Variants in TBC1D17 observed in about 807,000 individuals in gnomAD.
The protein encoded by TBC1D17 is TBC1 domain family member 17.
TBC1D17 carries 69 observed loss-of-function variants against 78.8 expected under a neutral mutation model. The ratio of observed to expected loss-of-function variants is 0.88; its 90% CI spans 0.72 to 1.07. The LOEUF (loss-of-function observed/expected upper bound fraction) is 1.07. TBC1D17 is among the 50% of genes least tolerant of loss of function. The pLI is 0.00. For missense variants in TBC1D17, 957 were observed against 861.0 expected (o/e 1.11, Z -1.39); for synonymous variants, 456 against 358.3 (o/e 1.27, Z -3.08).
chr19:49,882,085 C>A lies in TBC1D17; in HGVS notation c.572C>A (p.Ser191Tyr), dbSNP rs764531503. Residue 191 changes from serine (S) to tyrosine (Y), a missense_variant, in exon 6 of 17, where the codon TCC becomes TAC. Coordinates refer to ENST00000221543, the MANE Select transcript of TBC1D17 (RefSeq NM_024682.3). The stretch of plus-strand genomic sequence containing the variant: ...CTCTACCTTGTCTTCCCCCACGACT[C>A]CTCTGCTCTCTCCAACTCCTTCCAC... ...SRLYLVFPHD[S>Y]SALSNSFHHL... 5.6e-6 allele frequency: 9 copies of A among 1,614,164 alleles called. No individual in the cohort carries two copies. Among genetic ancestry groups the A allele is most frequent in the Admixed American group, 1.7e-5 (1 of 60,034 alleles).
rs776396019 is a variant in TBC1D17, at chr19:49,882,795, G to A, written c.830G>A (p.Arg277Gln). The A allele has an allele frequency of 2.7e-5, 44 of 1,601,908 alleles. No individual in the cohort carries two copies. Among genetic ancestry groups the A allele is most frequent in the Admixed American group, 8.6e-5 (5 of 58,024 alleles). ...CTGGGGCCTCGGCCAACCGTGGAGC[G>A]GGGCCCTCCAGTTACAGAGGAGGAG... ...VELGPRPTVE[R>Q]GPPVTEEEWA... The change falls in exon 8 of 17, where the codon CGG becomes CAG. Residue 277 changes from arginine (R) to glutamine (Q), a missense_variant. Physicochemically the swap from Arg to Gln is conservative, Grantham distance 43. Coordinates refer to ENST00000221543, the MANE Select transcript of TBC1D17 (RefSeq NM_024682.3).
At chr19:49,887,652 C>T in intron 14 of TBC1D17, 66 bp from the exon 15 acceptor site, 1 of 1,607,902 alleles carries the variant, frequency 6.2e-7, no homozygotes, top group Non-Finnish European at 8.5e-7. Flanking sequence ...AGGGACAGAC[C>T]CTGGTGGGAC....
intron 7 of TBC1D17, 136 bp from the exon 8 acceptor site, chr19:49,882,628 C>CGGAAGA: frequency 1.4e-6 from 2 of 1,405,292 alleles, no homozygotes; most frequent in Non-Finnish European, 1.9e-6. Context: ...TGCTGAGCCC[C>CGGAAGA]GGAAGAGGCT....
chr19:49,888,681 C>A lies in TBC1D17; in HGVS notation c.*57C>A. On this transcript the variant is annotated 3_prime_UTR_variant, in exon 17 of 17. Transcript: ENST00000221543. ...CTTTAGCCCGAGCCAGGCACACCTG[C>A]GAGGGGGCAGGTGTGCTCCGCCGCC... is the stretch of plus-strand genomic sequence containing the variant. 6.9e-7 allele frequency: 1 copy of A among 1,449,308 alleles called. No homozygotes were observed. The highest frequency in any genetic ancestry group is 9.2e-7 in the Non-Finnish European group (1 of 1,086,930). The allele number at this position is 1,449,308 out of a possible 1,614,324, so 89.8% of individuals were successfully genotyped here. A position where few individuals can be genotyped will look rare whatever the true frequency, so the allele number is the denominator to read the frequency against.
chr19:49,888,581 T>C lies in TBC1D17; in HGVS notation c.1904T>C (p.Leu635Pro). 1 of 1,397,790 alleles carries C rather than the reference T, an allele frequency of 7.2e-7. No homozygotes were observed. Among genetic ancestry groups the C allele is most frequent in the Middle Eastern group, 1.9e-4 (1 of 5,156 alleles). 86.6% of individuals were successfully genotyped at this position (1,397,790 alleles called of 1,614,324 possible). A position where few individuals can be genotyped will look rare whatever the true frequency, so the allele number is the denominator to read the frequency against. ...TDTAPQPDSSLEILPEEEDEG... is the reference protein window; with the variant it reads ...TDTAPQPDSSPEILPEEEDEG... ...ACAGCCCCGCAGCCCGACAGCAGCC[T>C]GGAGATCCTGCCCGAGGAGGAGGAC... The change falls in exon 17 of 17, where the codon CTG becomes CCG. Residue 635 changes from leucine (L) to proline (P), a missense_variant. Transcript: ENST00000221543.
Position 49,883,131 on chromosome 19 carries a change from G to A in TBC1D17, c.1031+55G>A, listed in dbSNP as rs1437112676. On this transcript the variant is annotated intron_variant, in intron 9 of 16. Transcript: ENST00000221543. ...GGCATGACACCTGGTACCTCCTAGG[G>A]CACCAATGGGCAAGTTCTGTGGACG... The A allele has an allele frequency of 3.3e-6, 5 of 1,494,770 alleles. No homozygotes were observed. In the East Asian group the frequency reaches 1.1e-4, roughly 34 times the overall value. 92.6% of individuals were successfully genotyped at this position (1,494,770 alleles called of 1,614,324 possible). A position where few individuals can be genotyped will look rare whatever the true frequency, so the allele number is the denominator to read the frequency against.
intron 13 of TBC1D17, 31 bp downstream of exon 13, chr19:49,884,789 A>G: frequency 6.3e-7 from 1 of 1,597,878 alleles, no homozygotes; most frequent in South Asian, 1.1e-5. Flanking sequence ...GGCAGGAGAC[A>G]ATGGGGCCAT....
intron 7 of TBC1D17, 109 bp from the exon 8 acceptor site, chr19:49,882,655 T>A (rs112778500): frequency 1.4e-6 from 2 of 1,427,544 alleles, no homozygotes; most frequent in African/African-American, 2.9e-5. Context: ...TGCCCCTGAA[T>A]GTTAGTCATC....
intron 12 of TBC1D17, 49 bp from the exon 13 acceptor site, chr19:49,884,610 C>T (rs755146437): frequency 1.2e-6 from 2 of 1,613,586 alleles, no homozygotes; most frequent in South Asian, 1.1e-5. Flanking sequence ...GATCAGGTGT[C>T]CTGGTACCTC....
Position 49,878,211 on chromosome 19 carries a change from C to T in TBC1D17, c.90C>T (p.Leu30=). 6.4e-7 allele frequency: 1 copy of T among 1,564,016 alleles called. No homozygotes were observed. Among genetic ancestry groups the T allele is most frequent in the Non-Finnish European group, 8.7e-7 (1 of 1,154,252 alleles). The change falls in exon 2 of 17, where the codon CTC becomes CTT. Residue 30 remains leucine (L), a synonymous_variant. Transcript: ENST00000221543. ...AGAAGTATCAGGACCGAGACTCTCT[C>T]ATCGCTGGTGTCATCCGTGTCGTGG... ...SAKKYQDRDS[L]IAGVIRVVEK... is the part of the protein sequence containing the mutation.
In TBC1D17 at chr19:49,882,763, GGTGGAGCTGGGGCCTCGGCCAACC is replaced by G. The variant is rs746125338; in HGVS notation, c.806_829del (p.Leu269_Glu276del). 1.6e-5 allele frequency: 25 copies of G among 1,559,564 alleles called. No individual in the cohort carries two copies. The highest frequency in any genetic ancestry group is 1.8e-4 in the Middle Eastern group (1 of 5,648). On this transcript the variant is annotated inframe_deletion and splice_region_variant, in exon 8 of 17. Coordinates refer to ENST00000221543, the MANE Select transcript of TBC1D17 (RefSeq NM_024682.3). ...CAGGCTCATTTGCTCTTTGCCTGCA[GGTGGAGCTGGGGCCTCGGCCAACC>G]GTGGAGCGGGGCCCTCCAGTTACAG...
At chr19:49,882,002 T>TACCTGTGCATC in intron 5 of TBC1D17, 39 bp from the exon 6 acceptor site, 1 of 1,555,734 alleles carries the variant, frequency 6.4e-7, no homozygotes, top group Admixed American at 1.7e-5. Flanking sequence ...ACTGGGCCCC[T>TACCTGTGCATC]ACCTGTGCAT....
rs1249566349 is a variant in TBC1D17 at position 49,884,238 on chromosome 19, G to T, written c.1127-15G>T. The T allele has an allele frequency of 6.2e-7, 1 of 1,612,490 alleles. No homozygotes were observed. The highest frequency in any genetic ancestry group is 1.3e-5 in the African/African-American group (1 of 75,046). ...TACCTTTCTCACCTTTGCACCCTGT[G>T]CCCGGTCCCCGCAGAAAGGGATGTG... On this transcript the variant is annotated splice_polypyrimidine_tract_variant and intron_variant, in intron 10 of 16. Coordinates refer to ENST00000221543, the MANE Select transcript of TBC1D17 (RefSeq NM_024682.3).
In TBC1D17 at chr19:49,878,240, A is replaced by G; in HGVS notation, c.119A>G (p.Lys40Arg). ...GCTGGTGTCATCCGTGTCGTGGAAA[A>G]GGTGCGCTGGGAGGGAGCAGGGCTC... Reference protein sequence around the residue: ...LIAGVIRVVEKDNDVLLHWAP... With the variant: ...LIAGVIRVVERDNDVLLHWAP... Residue 40 changes from lysine (K) to arginine (R), a missense_variant and splice_region_variant, in exon 2 of 17, where the codon AAG (lysine) becomes AGG (arginine). Physicochemically the swap from Lys to Arg is conservative, Grantham distance 26. Transcript: ENST00000221543. The G allele has an allele frequency of 1.3e-6, 2 of 1,556,960 alleles. No homozygotes were observed. The highest frequency in any genetic ancestry group is 1.7e-6 in the Non-Finnish European group (2 of 1,150,132).
At chr19:49,879,849 CTTTTTTTTT>C (rs35413614) in intron 3 of TBC1D17, among the ~76,000 whole-genome samples, 1 of 119,430 alleles carries the variant, frequency 8.4e-6, no homozygotes, top group African/African-American at 3.2e-5. Flanking sequence ...TTTCTTTTTT[CTTTTTTTTT>C]TTTTTTTTTT....
chr19:49,888,141 CTTCA>C (rs1170040050), intron 15 of TBC1D17, 86 bp from the exon 16 acceptor site: 2 of 1,543,498 alleles, frequency 1.3e-6, no homozygotes, highest in African/African-American at 1.4e-5. Context: ...CCCGGTGTGT[CTTCA>C]TTGTTTCCCA....
chr19:49,882,405 G>A lies in TBC1D17; in HGVS notation c.798+5G>A. 2.5e-6 allele frequency: 4 copies of A among 1,600,376 alleles called. No homozygotes were observed. Among genetic ancestry groups the A allele is most frequent in the Non-Finnish European group, 3.4e-6 (4 of 1,176,744 alleles). Reference sequence around the variant, plus strand: ...GGATTCGAGGTCATTTCCTGTGTGAGTAGTGAGTGGACCCTCCCTGTTATT... The same window carrying A: ...GGATTCGAGGTCATTTCCTGTGTGAATAGTGAGTGGACCCTCCCTGTTATT... On this transcript the variant is annotated splice_donor_5th_base_variant and intron_variant, in intron 7 of 16. Transcript: ENST00000221543.
In TBC1D17 at chr19:49,877,711, T is replaced by A. The variant is rs762855544; in HGVS notation, c.-13T>A. 3.1e-6 allele frequency: 5 copies of A among 1,600,492 alleles called. No individual in the cohort carries two copies. The South Asian group carries it at 5.7e-5, about 18-fold the overall frequency. On this transcript the variant is annotated 5_prime_UTR_variant, in exon 1 of 17. Transcript: ENST00000221543. ...AAGGAGGAGGCGGGGCAGTGGGGCC[T>A]TCGGCGGCGACTATGGAAGGAGCCG...
intron 13 of TBC1D17, chr19:49,886,613 G>A (rs1323825736): frequency 1.3e-5 from 2 of 152,200 alleles, no homozygotes; most frequent in East Asian, 3.8e-4. Context: ...ACGGTGCATA[G>A]TCTGGGTAAT....
Sources: gnomAD v4.1 joint callset for allele counts (sites outside exome capture counted in the v4.1 genomes callset) on GRCh38, gnomAD v4.1.1 for gene constraint, MANE v1.5 for transcripts, NCBI Gene and HGNC (gene_info 2026-07-23, HGNC 2026-07-21) for gene names.